PDE1C: variants seen among roughly 807,000 people sequenced by gnomAD.
PDE1C encodes the protein dual specificity calcium/calmodulin-dependent 3',5'-cyclic nucleotide phosphodiesterase 1C.
In PDE1C, 62 loss-of-function variants were observed where a neutral mutation model predicts 93.1. The ratio of observed to expected loss-of-function variants is 0.67; its 90% CI spans 0.54 to 0.82. The LOEUF is 0.82. PDE1C is among the 40% of genes least tolerant of loss of function. The pLI is 0.00. For missense variants in PDE1C, 742 were observed against 884.6 expected, an observed-to-expected ratio of 0.84 and a Z score of 2.04; for synonymous variants, 325 against 310.1, an observed-to-expected ratio of 1.05 and a Z score of -0.50.
In PDE1C at chr7:32,283,994, G is replaced by C. The variant is rs566511885; in HGVS notation, c.85+14657C>G. ...TGATCAACAGGGACCAGGGCGGGAA[G>C]AAGCATCCCGAGGACATTTATTAAC... On this transcript the variant is annotated intron_variant, in intron 1 of 18. Coordinates refer to the PDE1C transcript ENST00000396193. Among the ~76,000 whole-genome samples the C allele has an allele frequency of 3.9e-5, 6 of 152,304 alleles. No individual in the cohort carries two copies. The South Asian group carries it at 1.2e-3, about 32-fold the overall frequency.
At chr7:32,419,702 T>C (rs909007034) in intron 1 of PDE1C, among the ~76,000 whole-genome samples, 12 of 152,056 alleles carry the variant, frequency 7.9e-5, no homozygotes, top group African/African-American at 2.9e-4. Flanking sequence ...TTTCCTTGGC[T>C]GAGAAGGAAA....
chr7:32,284,714 G>A (rs1811888525), intron 1 of PDE1C, among the ~76,000 whole-genome samples: 1 of 152,122 alleles, frequency 6.6e-6, no homozygotes, highest in South Asian at 2.1e-4. Flanking sequence ...GCACACAGCA[G>A]AATCACTTAG....
In PDE1C at chr7:31,812,644, T is replaced by C. The variant is rs546649800; in HGVS notation, c.1813+3280A>G. ...AAACAGGATAACTCATTTGTTTGTA[T>C]ATTATCTGTGGCTGCTTTAAAATGG... On this transcript the variant is annotated intron_variant, in intron 15 of 17. Coordinates refer to ENST00000396191, the MANE Select transcript of PDE1C (RefSeq NM_001191057.4). Among the ~76,000 whole-genome samples the C allele has an allele frequency of 1.1e-4, 16 of 152,306 alleles. No individual in the cohort carries two copies. In the East Asian group the frequency reaches 2.1e-3, roughly 20 times the overall value.
chr7:32,165,176 T>C (rs1445227465), intron 3 of PDE1C, among the ~76,000 whole-genome samples: 1 of 152,244 alleles, frequency 6.6e-6, no homozygotes, highest in Non-Finnish European at 1.5e-5. Context: ...TTTGATCCTA[T>C]TTAACTTTGT....
At chr7:31,954,181 T>G (rs911575637) in intron 2 of PDE1C, among the ~76,000 whole-genome samples, 1 of 152,154 alleles carries the variant, frequency 6.6e-6, no homozygotes, top group African/African-American at 2.4e-5. Context: ...TCCCAACCCC[T>G]TTGCATTGAG....
chr7:32,268,818 C>T (rs1810781676), intron 1 of PDE1C, among the ~76,000 whole-genome samples: 1 of 152,158 alleles, frequency 6.6e-6, no homozygotes, highest in Non-Finnish European at 1.5e-5. Flanking sequence ...CCCCATACCC[C>T]TTTTCTTCCT....
intron 3 of PDE1C, among the ~76,000 whole-genome samples, chr7:32,094,043 C>G (rs181375592): frequency 2.0e-3 from 308 of 152,356 alleles, no homozygotes; most frequent in African/African-American, 6.9e-3. Flanking sequence ...GTGAGCCACT[C>G]TGCCTATCAC....
At chr7:31,641,060 C>G in the PDE1C span, among the ~76,000 whole-genome samples, 2 of 152,132 alleles carry the variant, frequency 1.3e-5, no homozygotes, top group African/African-American at 4.8e-5. Flanking sequence ...TCTCCACTTG[C>G]TGTCTTTGCT....
chr7:31,711,258 C>T, the PDE1C span, among the ~76,000 whole-genome samples: 1 of 152,254 alleles, frequency 6.6e-6, no homozygotes, highest in South Asian at 2.1e-4. Flanking sequence ...ACTTTAATAT[C>T]CATCAATCAA....
intron 11 of PDE1C, among the ~76,000 whole-genome samples, chr7:31,829,864 G>T (rs902209565): frequency 1.2e-4 from 18 of 152,148 alleles, no homozygotes; most frequent in African/African-American, 4.1e-4. Context: ...AATTCTAGTG[G>T]TGTAGATGGT....
At chr7:31,920,920 T>G (rs1802546407) in intron 2 of PDE1C, among the ~76,000 whole-genome samples, 1 of 152,226 alleles carries the variant, frequency 6.6e-6, no homozygotes, top group Non-Finnish European at 1.5e-5. Context: ...TATGCCTGAT[T>G]TCTTACCACC....
intron 2 of PDE1C, among the ~76,000 whole-genome samples, chr7:31,990,343 C>A (rs758741905): frequency 2.0e-5 from 3 of 152,178 alleles, no homozygotes; most frequent in Admixed American, 6.6e-5. Flanking sequence ...TTTCCTGCTG[C>A]CATGTAAGAC....
intron 2 of PDE1C, among the ~76,000 whole-genome samples, chr7:32,185,866 G>A (rs1195692395): frequency 6.6e-6 from 1 of 152,170 alleles, no homozygotes; most frequent in African/African-American, 2.4e-5. Context: ...CTGCTGTATT[G>A]CATAGCACCA....
intron 3 of PDE1C, among the ~76,000 whole-genome samples, chr7:32,114,829 A>G (rs1798892773): frequency 6.6e-6 from 1 of 152,162 alleles, no homozygotes; most frequent in Non-Finnish European, 1.5e-5. Flanking sequence ...CTTCTCAAAA[A>G]AAAGACATTT....
the PDE1C span, among the ~76,000 whole-genome samples, chr7:31,693,039 C>T: frequency 8.5e-5 from 13 of 152,094 alleles, no homozygotes; most frequent in South Asian, 1.0e-3. Flanking sequence ...ACATTTCTGC[C>T]GCTACCCATT....
At chr7:31,782,153 G>C (rs1783467356) in intron 16 of PDE1C, among the ~76,000 whole-genome samples, 1 of 152,124 alleles carries the variant, frequency 6.6e-6, no homozygotes, top group Non-Finnish European at 1.5e-5. Context: ...TAAGTAAATT[G>C]CGCTAGAGCC....
the PDE1C span, among the ~76,000 whole-genome samples, chr7:31,728,277 G>C: frequency 6.6e-6 from 1 of 152,080 alleles, no homozygotes; most frequent in Admixed American, 6.6e-5. Flanking sequence ...GGGCCCAAGG[G>C]AGCCTAGAGC....
chr7:32,359,484 G>A (rs1664487969), intron 1 of PDE1C, among the ~76,000 whole-genome samples: 1 of 152,156 alleles, frequency 6.6e-6, no homozygotes. Flanking sequence ...CTGAAGGCAG[G>A]AGACTTTGCC....
Position 32,081,627 on chromosome 7 carries a change from T to C in PDE1C, c.308+88158A>G, listed in dbSNP as rs77624467. Reference sequence around the variant, plus strand: ...AGGATGCTGCTATTACCTGGGACTTTTGACCACTTTTTCTCTTCATTTATT... The same window carrying C: ...AGGATGCTGCTATTACCTGGGACTTCTGACCACTTTTTCTCTTCATTTATT... On this transcript the variant is annotated intron_variant, in intron 3 of 18. Transcript: ENST00000396193. Among the ~76,000 whole-genome samples the C allele has an allele frequency of 7.0e-3, 1,072 of 152,348 alleles. 6 individuals carry two copies. The highest frequency in any genetic ancestry group is 0.012 in the South Asian group (58 of 4,824).
Sources: allele counts gnomAD v4.1 joint callset (sites outside exome capture counted in the v4.1 genomes callset), GRCh38; gene constraint gnomAD v4.1.1; transcripts MANE v1.5; gene names NCBI Gene and HGNC (gene_info 2026-07-23, HGNC 2026-07-21).